Variants in JMJD7 observed in about 807,000 individuals in gnomAD.
JMJD7 encodes the protein jumonji domain containing 7.
A neutral mutation model predicts 41.1 loss-of-function variants in JMJD7; 41 were observed. The observed-to-expected ratio is 1.00, with a 90% CI of 0.78 to 1.30. JMJD7 has a LOEUF of 1.30. JMJD7 is among the 50% of genes most tolerant of loss of function. JMJD7 has a pLI of 0.00. For synonymous variants in JMJD7, 202 were observed against 177.2 expected, an observed-to-expected ratio of 1.14 and a Z score of -1.11; for missense variants, 480 against 420.7, an observed-to-expected ratio of 1.14 and a Z score of -1.23.
At chr15:41,834,717 C>T (rs962753920) in intron 1 of JMJD7, 23 bp from the exon 2 acceptor site, 2 of 1,611,148 alleles carry the variant, frequency 1.2e-6, no homozygotes, top group African/African-American at 2.7e-5. Flanking sequence ...CCCTTCCATC[C>T]CCTGTCTTCT....
At position 41,834,748 on chromosome 15, in the gene JMJD7, G is replaced by C. The variant is rs201715328; in HGVS notation, c.73G>C (p.Val25Leu). Residue 25 changes from valine to leucine, a missense_variant, in exon 2 of 8, where the codon GTG becomes CTG. Transcript: ENST00000397299. ...EFPAAARELCVPLAVPYLDKP... is the reference protein window; with the variant it reads ...EFPAAARELCLPLAVPYLDKP... Reference sequence around the variant, plus strand: ...CTTCTTCTTTCTCTCAGAGCTCTGCGTGCCTCTTGCTGTGCCCTACCTGGA... The same window carrying C: ...CTTCTTCTTTCTCTCAGAGCTCTGCCTGCCTCTTGCTGTGCCCTACCTGGA... 1 of 1,614,020 alleles carries C rather than the reference G, an allele frequency of 6.2e-7. No homozygotes were observed. Among genetic ancestry groups the C allele is most frequent in the African/African-American group, 1.3e-5 (1 of 75,032 alleles).
At position 41,836,132 on chromosome 15, in the gene JMJD7, T is replaced by A. The variant is rs543606666; in HGVS notation, c.530-16T>A. 6.3e-7 allele frequency: 1 copy of A among 1,577,424 alleles called. No homozygotes were observed. Among genetic ancestry groups the A allele is most frequent in the South Asian group, 1.2e-5 (1 of 86,196 alleles). On this transcript the variant is annotated splice_polypyrimidine_tract_variant and intron_variant, in intron 4 of 7. Transcript: ENST00000397299. ...GCCCTCCATACCCTGCCCCCGGGCC[T>A]TCTTTCTGTTGGCAGTGCACAAGGA...
rs368686350 is a variant in JMJD7 at position 41,835,571 on chromosome 15, T to A, written c.473-17T>A. 1 of 1,611,494 alleles carries A rather than the reference T, an allele frequency of 6.2e-7. No individual in the cohort carries two copies. Among genetic ancestry groups the A allele is most frequent in the Non-Finnish European group, 8.5e-7 (1 of 1,178,896 alleles). On this transcript the variant is annotated splice_polypyrimidine_tract_variant and intron_variant, in intron 3 of 7. Coordinates refer to ENST00000397299, the MANE Select transcript of JMJD7 (RefSeq NM_001114632.2). ...AGCCTGGCCTTCCTAACTTGCTCTC[T>A]GCCTTCTGCCCTGCAGGAAAGATGC...
In JMJD7 at chr15:41,835,186, T is replaced by G; in HGVS notation, c.435T>G (p.Asp145Glu). The change falls in exon 3 of 8, where the codon GAT becomes GAG. Residue 145 changes from aspartate to glutamate, a missense_variant. Transcript: ENST00000397299. ...GCGAGCTGCCCCAGCTGCTGCCTGA[T>G]CTGGAATCCCATGTGCCCTGGGCCT... Reference protein sequence around the residue: ...LPSELPQLLPDLESHVPWASE... With the variant: ...LPSELPQLLPELESHVPWASE... 1 of 1,602,002 alleles carries G rather than the reference T, an allele frequency of 6.2e-7. No individual in the cohort carries two copies. Among genetic ancestry groups the G allele is most frequent in the Non-Finnish European group, 8.5e-7 (1 of 1,179,896 alleles).
Position 41,836,090 on chromosome 15 carries a change from C to T in JMJD7, c.530-58C>T. The T allele has an allele frequency of 4.6e-6, 7 of 1,509,826 alleles. No individual in the cohort carries two copies. In the South Asian group the frequency reaches 6.4e-5, roughly 14 times the overall value. The allele number at this position is 1,509,826 out of a possible 1,614,324, so 93.5% of individuals were successfully genotyped here. ...GCAGGGCTCTCAGCATGATGGTTTGCCTCCTCCCGTGCCCCTGCCCTCCAT... is the reference window on the plus strand; with the variant it reads ...GCAGGGCTCTCAGCATGATGGTTTGTCTCCTCCCGTGCCCCTGCCCTCCAT... On this transcript the variant is annotated intron_variant, in intron 4 of 7. Coordinates refer to ENST00000397299, the MANE Select transcript of JMJD7 (RefSeq NM_001114632.2).
chr15:41,836,465 T>C lies in JMJD7; in HGVS notation c.626-10T>C, dbSNP rs778985416. On this transcript the variant is annotated splice_polypyrimidine_tract_variant and intron_variant, in intron 5 of 7. Transcript: ENST00000397299. Reference sequence around the variant, plus strand: ...GCAATTCCCCCACACCCTTCTCCCTTGGGCTCCAGAGCTGTACACGCCGGC... The same window carrying C: ...GCAATTCCCCCACACCCTTCTCCCTCGGGCTCCAGAGCTGTACACGCCGGC... 2 of 1,574,882 alleles carry C rather than the reference T, an allele frequency of 1.3e-6. No individual in the cohort carries two copies. The highest frequency in any genetic ancestry group is 1.7e-6 in the Non-Finnish European group (2 of 1,159,206).
chr15:41,834,965 T>C lies in JMJD7; in HGVS notation c.219-5T>C. ...TGGGCATGGGCTGAGTGTCCATTCC[T>C]CTAGAGCCACAGTGGGCTCCACAGA... On this transcript the variant is annotated splice_region_variant and splice_polypyrimidine_tract_variant and intron_variant, in intron 2 of 7. Transcript: ENST00000397299. 6.2e-7 allele frequency: 1 copy of C among 1,614,114 alleles called. No individual in the cohort carries two copies. Among genetic ancestry groups the C allele is most frequent in the East Asian group, 2.2e-5 (1 of 44,890 alleles).
intron 7 of JMJD7, 59 bp downstream of exon 7, chr15:41,836,999 G>T (rs929013359): frequency 9.9e-5 from 160 of 1,608,188 alleles, no homozygotes; most frequent in South Asian, 1.7e-4. Flanking sequence ...CAGGGCCTCT[G>T]GGGGGAGGCT....
At position 41,835,584 on chromosome 15, in the gene JMJD7, G is replaced by A. The variant is rs1464350237; in HGVS notation, c.473-4G>A. 1 of 1,613,602 alleles carries A rather than the reference G, an allele frequency of 6.2e-7. No individual in the cohort carries two copies. ...TAACTTGCTCTCTGCCTTCTGCCCT[G>A]CAGGAAAGATGCCCGATGCTGTGAA... On this transcript the variant is annotated splice_polypyrimidine_tract_variant and splice_region_variant and intron_variant, in intron 3 of 7. Coordinates refer to ENST00000397299, the MANE Select transcript of JMJD7 (RefSeq NM_001114632.2).
chr15:41,836,328 C>A, intron 5 of JMJD7, 85 bp downstream of exon 5: 1 of 1,581,186 alleles, frequency 6.3e-7, no homozygotes, highest in Non-Finnish European at 8.6e-7. Flanking sequence ...AGGCCAGTTC[C>A]CAGGCCTGAG....
rs550306204 is a variant in JMJD7 at position 41,837,179 on chromosome 15, A to C, written c.*23A>C. ...TGATGGAGCACTGGTGAACACCACC[A>C]AGCACGCCTCGGGGGACGGAGCCAG... On this transcript the variant is annotated 3_prime_UTR_variant, in exon 8 of 8. Transcript: ENST00000397299. 6.5e-7 allele frequency: 1 copy of C among 1,549,600 alleles called. No homozygotes were observed. The highest frequency in any genetic ancestry group is 1.1e-5 in the South Asian group (1 of 88,032).
rs1458490746 is a variant in JMJD7 at position 41,837,080 on chromosome 15, A to G, written c.875A>G (p.Tyr292Cys). ...GTTCTTCCCACAGTGAATTTCTGGT[A>G]TGACATGGAATACGACCTCAAGTAT... ...SQGCIAVNFW[Y>C]DMEYDLKYSY... Residue 292 changes from tyrosine to cysteine, a missense_variant, in exon 8 of 8, where the codon TAT becomes TGT. Coordinates refer to ENST00000397299, the MANE Select transcript of JMJD7 (RefSeq NM_001114632.2). 1.9e-6 allele frequency: 3 copies of G among 1,613,334 alleles called. No individual in the cohort carries two copies. The highest frequency in any genetic ancestry group is 2.7e-5 in the African/African-American group (2 of 74,920).
chr15:41,828,947 G>C (rs2065185764), intron 1 of JMJD7, among the ~76,000 whole-genome samples: 1 of 152,164 alleles, frequency 6.6e-6, no homozygotes, highest in Admixed American at 6.5e-5. Context: ...TATTCACTTA[G>C]TCATTTAGGT....
chr15:41,836,757 C>G (rs916546474), intron 6 of JMJD7, 24 bp from the exon 7 acceptor site: 6 of 1,585,642 alleles, frequency 3.8e-6, no homozygotes. Context: ...GGGGGCTGCT[C>G]CCTGGCATCT....
chr15:41,836,252 T>A lies in JMJD7; in HGVS notation c.625+9T>A, dbSNP rs370994920. ...GCCCTTCATCCCCTATGGTAGGGGA[T>A]GTGGCCTGCAGGGAGGGGCTGGGGA... On this transcript the variant is annotated intron_variant, in intron 5 of 7. Transcript: ENST00000397299. 6.2e-7 allele frequency: 1 copy of A among 1,612,072 alleles called. No homozygotes were observed. Among genetic ancestry groups the A allele is most frequent in the Non-Finnish European group, 8.5e-7 (1 of 1,179,244 alleles).
At chr15:41,828,825 C>G (rs560894782) in intron 1 of JMJD7, among the ~76,000 whole-genome samples, 1 of 152,120 alleles carries the variant, frequency 6.6e-6, no homozygotes, top group Middle Eastern at 3.2e-3. Context: ...ACTTTTTACC[C>G]TTTTTTTGTA....
intron 1 of JMJD7, among the ~76,000 whole-genome samples, chr15:41,832,923 A>G (rs1440734149): frequency 1.3e-5 from 2 of 152,226 alleles, no homozygotes; most frequent in Admixed American, 1.3e-4. Flanking sequence ...AAGACACTCC[A>G]GTCTGAGTGA....
chr15:41,836,344 G>C, intron 5 of JMJD7, 101 bp downstream of exon 5: 1 of 1,566,758 alleles, frequency 6.4e-7, no homozygotes, highest in South Asian at 1.1e-5. Flanking sequence ...CTGAGGTGTG[G>C]CTGTGGCATC....
intron 1 of JMJD7, 192 bp downstream of exon 1, chr15:41,828,380 A>G (rs1450202618): frequency 6.4e-6 from 4 of 622,712 alleles, no homozygotes; most frequent in Admixed American, 4.4e-5. Context: ...GATTCTGTTC[A>G]CGTTGTTCCC....
Sources: gnomAD v4.1 joint callset for allele counts (sites outside exome capture counted in the v4.1 genomes callset) on GRCh38, gnomAD v4.1.1 for gene constraint, MANE v1.5 for transcripts, NCBI Gene and HGNC (gene_info 2026-07-23, HGNC 2026-07-21) for gene names.